The following SGCD variants were observed in gnomAD, a reference collection of about 807,000 sequenced individuals.
The protein encoded by SGCD is delta-sarcoglycan.
In SGCD, 18 loss-of-function variants were observed where a neutral mutation model predicts 36.6. The ratio of observed to expected loss-of-function variants is 0.49; its 90% CI spans 0.34 to 0.73. SGCD has a LOEUF of 0.73. Among genes scored for constraint, SGCD ranks in the 30% least tolerant of loss-of-function variants. The pLI is 0.01. For missense variants in SGCD, 387 were observed against 346.7 expected (o/e 1.12, Z -0.92); for synonymous variants, 133 against 130.6 (o/e 1.02, Z -0.12).
chr5:156,101,437 G>C (rs963844520), intron 1 of SGCD, among the ~76,000 whole-genome samples: 6 of 152,206 alleles, frequency 3.9e-5, no homozygotes, highest in Admixed American at 3.3e-4. Context: ...GCTAAGGAAA[G>C]CTGTGAGTCT....
chr5:155,871,238 A>G (rs1755650496), intron 1 of SGCD, among the ~76,000 whole-genome samples: 1 of 152,168 alleles, frequency 6.6e-6, no homozygotes, highest in Non-Finnish European at 1.5e-5. Context: ...TTTTGGATCA[A>G]AAGGATTTTA....
chr5:156,248,306 G>A (rs932028131), intron 3 of SGCD, among the ~76,000 whole-genome samples: 1 of 152,152 alleles, frequency 6.6e-6, no homozygotes, highest in Non-Finnish European at 1.5e-5. Flanking sequence ...CAGATTACAA[G>A]GTCAAGAGAT....
At chr5:156,229,277 C>CACACATATATAT (rs1554085595) in intron 3 of SGCD, among the ~76,000 whole-genome samples, 6 of 56,502 alleles carry the variant, frequency 1.1e-4, no homozygotes, top group Admixed American at 2.4e-4. Context: ...TATATACATA[C>CACACATATATAT]ATATATATAT....
At chr5:156,619,417 A>T (rs1031883807) in intron 6 of SGCD, among the ~76,000 whole-genome samples, 3 of 152,202 alleles carry the variant, frequency 2.0e-5, no homozygotes, top group Non-Finnish European at 4.4e-5. Context: ...CTATCAAGCC[A>T]TAGTTAGTGT....
rs191942008 is a variant in SGCD, at chr5:155,934,373, C to T, written c.-282+63949C>T. ...CTGCGTTGGCAAGAAGCCTTTTTAA[C>T]GATCTTTTTTTGCGTAGCACTGAAC... On this transcript the variant is annotated intron_variant, in intron 1 of 9. Coordinates refer to the SGCD transcript ENST00000517913. 1.2e-3 allele frequency among the ~76,000 whole-genome samples: 180 copies of T among 152,308 alleles called. No homozygotes were observed. The East Asian group carries it at 0.034, about 28-fold the overall frequency.
At chr5:155,744,818 TACA>T in the SGCD span, among the ~76,000 whole-genome samples, 1 of 152,190 alleles carries the variant, frequency 6.6e-6, no homozygotes, top group South Asian at 2.1e-4. Context: ...ATAAAAGAGG[TACA>T]ACATTTGATG....
upstream of SGCD, among the ~76,000 whole-genome samples, chr5:155,866,925 A>G (rs1199385711): frequency 6.6e-6 from 1 of 152,208 alleles, no homozygotes; most frequent in African/African-American, 2.4e-5. Context: ...TCAAAAGGAC[A>G]TAAGGATCTG....
chr5:156,592,694 G>A (rs1224883480), intron 5 of SGCD, among the ~76,000 whole-genome samples: 1 of 152,026 alleles, frequency 6.6e-6, no homozygotes, highest in African/African-American at 2.4e-5. Flanking sequence ...CCTCCGCCTT[G>A]CCCCCATTTG....
intron 1 of SGCD, among the ~76,000 whole-genome samples, chr5:156,101,935 TGTGTGTGA>T (rs1404348935): frequency 3.7e-4 from 55 of 150,106 alleles, no homozygotes; most frequent in African/African-American, 1.2e-3. Context: ...TGTGTGTGTG[TGTGTGTGA>T]GAGAGAGAGA....
chr5:155,956,325 G>A (rs1757648217), intron 1 of SGCD, among the ~76,000 whole-genome samples: 1 of 151,942 alleles, frequency 6.6e-6, no homozygotes, highest in African/African-American at 2.4e-5. Context: ...TTTGAAGTTA[G>A]GAGCATTTGT....
chr5:156,619,424 G>A (rs1398188470), intron 6 of SGCD, among the ~76,000 whole-genome samples: 1 of 152,078 alleles, frequency 6.6e-6, no homozygotes, highest in Non-Finnish European at 1.5e-5. Flanking sequence ...GCCATAGTTA[G>A]TGTGTTTTCA....
At chr5:156,090,788 G>C (rs1043500300) in intron 1 of SGCD, among the ~76,000 whole-genome samples, 1 of 152,132 alleles carries the variant, frequency 6.6e-6, no homozygotes, top group Non-Finnish European at 1.5e-5. Context: ...CCCTGGGAAT[G>C]CATTCCTTCC....
chr5:156,483,979 C>T (rs1478768297), intron 3 of SGCD, among the ~76,000 whole-genome samples: 1 of 152,186 alleles, frequency 6.6e-6, no homozygotes, highest in Non-Finnish European at 1.5e-5. Context: ...TCTGCAGCAG[C>T]AGAAGGAAAC....
chr5:156,286,631 A>G (rs1196088253), intron 3 of SGCD, among the ~76,000 whole-genome samples: 1 of 152,198 alleles, frequency 6.6e-6, no homozygotes, highest in African/African-American at 2.4e-5. Context: ...CAATGAGAAC[A>G]CATGGACACA....
intron 3 of SGCD, among the ~76,000 whole-genome samples, chr5:156,353,048 A>T (rs1355068613): frequency 6.6e-6 from 1 of 152,220 alleles, no homozygotes; most frequent in Non-Finnish European, 1.5e-5. Context: ...TGTAAATTGG[A>T]CACATTGTAA....
intron 4 of SGCD, among the ~76,000 whole-genome samples, chr5:156,542,165 A>G (rs1333963319): frequency 6.6e-6 from 1 of 152,192 alleles, no homozygotes; most frequent in East Asian, 1.9e-4. Flanking sequence ...AGTTATTGAA[A>G]CAGTGGAGAG....
At chr5:156,447,283 G>A (rs1422318522) in intron 3 of SGCD, among the ~76,000 whole-genome samples, 1 of 152,166 alleles carries the variant, frequency 6.6e-6, no homozygotes, top group Non-Finnish European at 1.5e-5. Context: ...TTTCTAATCA[G>A]TGACTATTTT....
Position 156,291,855 on chromosome 5 carries a change from A to G in SGCD, c.-43-37679A>G, listed in dbSNP as rs557824739. Among the ~76,000 whole-genome samples the G allele has an allele frequency of 1.6e-4, 24 of 152,234 alleles. No homozygotes were observed. In the South Asian group the frequency reaches 4.8e-3, roughly 30 times the overall value. ...ATATGCATTACCTTATATGCTTATC[A>G]TTTATTTGTGGTGGGAACACTTGAA... On this transcript the variant is annotated intron_variant, in intron 3 of 9. Coordinates refer to the SGCD transcript ENST00000517913.
chr5:156,472,584 A>T (rs1039382782), intron 3 of SGCD, among the ~76,000 whole-genome samples: 1 of 152,032 alleles, frequency 6.6e-6, no homozygotes, highest in South Asian at 2.1e-4. Context: ...CACCCGGCTA[A>T]TTTTTGTATT....
Sources: allele counts gnomAD v4.1 joint callset (sites outside exome capture counted in the v4.1 genomes callset), GRCh38; gene constraint gnomAD v4.1.1; transcripts MANE v1.5; gene names NCBI Gene and HGNC (gene_info 2026-07-23, HGNC 2026-07-21).